The following SLC6A15 variants were observed in gnomAD, a reference collection of about 807,000 sequenced individuals.
The protein encoded by SLC6A15 is solute carrier family 6 member 15.
A neutral mutation model predicts 68.5 loss-of-function variants in SLC6A15; 33 were observed. The ratio of observed to expected loss-of-function variants is 0.48; its 90% CI spans 0.37 to 0.64. The LOEUF is 0.64. Ranked by LOEUF, SLC6A15 falls within the 30% of genes least tolerant of loss-of-function variation. SLC6A15 has a pLI of 0.00. For synonymous variants in SLC6A15, 347 were observed against 301.0 expected (o/e 1.15, Z -1.58); for missense variants, 747 against 874.3 (o/e 0.85, Z 1.84).
At chr12:84,896,573 C>T (rs1383670435) in intron 1 of SLC6A15, among the ~76,000 whole-genome samples, 1 of 152,104 alleles carries the variant, frequency 6.6e-6, no homozygotes, top group Non-Finnish European at 1.5e-5. Flanking sequence ...CCAGCTCACT[C>T]AATTTGTATG....
At chr12:84,886,601 A>G (rs1872114826) in intron 2 of SLC6A15, among the ~76,000 whole-genome samples, 1 of 151,784 alleles carries the variant, frequency 6.6e-6, no homozygotes, top group Non-Finnish European at 1.5e-5. Flanking sequence ...AAAAAAAAAA[A>G]ACAGCAACAT....
intron 1 of SLC6A15, among the ~76,000 whole-genome samples, chr12:84,906,653 A>G (rs1873170688): frequency 1.3e-5 from 2 of 152,220 alleles, no homozygotes; most frequent in South Asian, 4.1e-4. Flanking sequence ...AATTTTTGAT[A>G]AAAGTACCAA....
In SLC6A15 at chr12:84,885,426, A is replaced by G. The variant is rs779650690; in HGVS notation, c.574+9T>C. On this transcript the variant is annotated intron_variant, in intron 4 of 11. Transcript: ENST00000266682. ...TAAATACCAAAACACTGTATTATAC[A>G]TATCTTACAAGTGTGTGAAGCATTT... The G allele has an allele frequency of 1.9e-6, 3 of 1,610,112 alleles. No individual in the cohort carries two copies. The highest frequency in any genetic ancestry group is 2.2e-5 in the South Asian group (2 of 90,474).
rs1461675721 is a variant in SLC6A15 at position 84,870,655 on chromosome 12, C to T, written c.1318G>A (p.Gly440Ser). 5 of 1,609,474 alleles carry T rather than the reference C, an allele frequency of 3.1e-6. No homozygotes were observed. The highest frequency in any genetic ancestry group is 1.6e-4 in the Middle Eastern group (1 of 6,080). Residue 440 changes from glycine (G) to serine (S), a missense_variant, in exon 9 of 12, where the codon GGC becomes AGC. Gly to Ser is a moderately conservative substitution (Grantham distance 56). Coordinates refer to ENST00000266682, the MANE Select transcript of SLC6A15 (RefSeq NM_182767.6). Reference protein sequence around the residue: ...EELNKAVQGTGLAFIAFTEAM... With the variant: ...EELNKAVQGTSLAFIAFTEAM... Reference sequence around the variant, plus strand: ...TCTGTAAAGGCAATAAAAGCTAAGCCGGTCCCCTGAACAGCCTGCAAAATA... The same window carrying T: ...TCTGTAAAGGCAATAAAAGCTAAGCTGGTCCCCTGAACAGCCTGCAAAATA...
intron 5 of SLC6A15, chr12:84,882,412 A>G (rs187140610): frequency 1.0e-6 from 1 of 968,836 alleles, no homozygotes. Flanking sequence ...TAACAAGTAT[A>G]TTCACAAATT....
chr12:84,910,695 G>C (rs536104107), intron 1 of SLC6A15, among the ~76,000 whole-genome samples: 9 of 152,234 alleles, frequency 5.9e-5, no homozygotes, highest in African/African-American at 2.2e-4. Context: ...GGAACACCCT[G>C]AACAACAGAA....
chr12:84,882,418 A>T (rs1871862042), intron 5 of SLC6A15: 1 of 969,386 alleles, frequency 1.0e-6, no homozygotes, highest in South Asian at 4.8e-5. Flanking sequence ...GTATATTCAC[A>T]AATTCAAAAG....
At position 84,900,963 on chromosome 12, in the gene SLC6A15, T is replaced by C. The variant is rs368256663; in HGVS notation, c.-188-8655A>G. Among the ~76,000 whole-genome samples, 62 of 144,496 alleles carry C rather than the reference T, an allele frequency of 4.3e-4. No individual in the cohort carries two copies. In the East Asian group the frequency reaches 6.7e-3, roughly 16 times the overall value. The allele number at this position is 144,496 out of a possible 152,430, so 94.8% of individuals were successfully genotyped here. On this transcript the variant is annotated intron_variant, in intron 1 of 11. Coordinates refer to ENST00000266682, the MANE Select transcript of SLC6A15 (RefSeq NM_182767.6). ...ATATGTGTATAGATATGTATATATA[T>C]ACATACATATATACATGTATATATG...
chr12:84,873,395 A>G (rs1871375868), intron 6 of SLC6A15, 67 bp from the exon 7 acceptor site: 9 of 1,552,108 alleles, frequency 5.8e-6, no homozygotes, highest in Middle Eastern at 1.7e-4. Flanking sequence ...ATTTTTATGG[A>G]ATTTACTGTT....
chr12:84,879,178 A>G (rs771626416), intron 5 of SLC6A15, among the ~76,000 whole-genome samples: 2 of 151,918 alleles, frequency 1.3e-5, no homozygotes, highest in African/African-American at 2.4e-5. Context: ...AGCTTTGTAC[A>G]TGCTGTTGTC....
intron 1 of SLC6A15, among the ~76,000 whole-genome samples, chr12:84,895,261 A>G (rs750942003): frequency 6.6e-6 from 1 of 151,908 alleles, no homozygotes; most frequent in Non-Finnish European, 1.5e-5. Flanking sequence ...TGTTGAATGA[A>G]TGAACCGAAA....
chr12:84,869,650 C>T (rs1461738379), intron 9 of SLC6A15, among the ~76,000 whole-genome samples: 1 of 151,984 alleles, frequency 6.6e-6, no homozygotes, highest in Non-Finnish European at 1.5e-5. Context: ...TACTAGCTAT[C>T]CTCTGACCCT....
intron 1 of SLC6A15, among the ~76,000 whole-genome samples, chr12:84,892,860 T>A (rs980858788): frequency 2.0e-5 from 3 of 152,158 alleles, no homozygotes; most frequent in African/African-American, 7.2e-5. Context: ...TGTGGCAAAA[T>A]CAGGACTCAC....
intron 11 of SLC6A15, 76 bp downstream of exon 11, chr12:84,863,363 G>C: frequency 9.3e-7 from 1 of 1,079,812 alleles, no homozygotes. Context: ...TACTGTGATG[G>C]AGACAAAAGA....
intron 1 of SLC6A15, among the ~76,000 whole-genome samples, chr12:84,902,204 G>A (rs1050630301): frequency 6.6e-6 from 1 of 151,834 alleles, no homozygotes; most frequent in Admixed American, 6.6e-5. Context: ...AAAAATTACA[G>A]AGCCAATCAA....
At chr12:84,900,602 T>C (rs1334760579) in intron 1 of SLC6A15, among the ~76,000 whole-genome samples, 3 of 151,808 alleles carry the variant, frequency 2.0e-5, no homozygotes, top group Admixed American at 1.3e-4. Flanking sequence ...ATCCCTTTAT[T>C]AGTTTAGAGA....
intron 6 of SLC6A15, 51 bp downstream of exon 6, chr12:84,876,446 A>AG (rs1871545189): frequency 2.2e-6 from 2 of 926,880 alleles, no homozygotes; most frequent in Non-Finnish European, 3.3e-6. Flanking sequence ...TTTTAACAAT[A>AG]AACATAATGC....
chr12:84,866,886 G>T (rs1871088351), intron 10 of SLC6A15, 148 bp downstream of exon 10: 1 of 582,966 alleles, frequency 1.7e-6, no homozygotes, highest in East Asian at 3.3e-5. Context: ...CAAAACTGTT[G>T]AATCAGTGAG....
At chr12:84,881,920 C>T (rs1370326386) in intron 5 of SLC6A15, 1 of 985,290 alleles carries the variant, frequency 1.0e-6, no homozygotes, top group Non-Finnish European at 1.2e-6. Context: ...CCATCAGTGC[C>T]TGTTAAATTC....
Sources: gnomAD v4.1 joint callset for allele counts (sites outside exome capture counted in the v4.1 genomes callset) on GRCh38, gnomAD v4.1.1 for gene constraint, MANE v1.5 for transcripts, NCBI Gene and HGNC (gene_info 2026-07-23, HGNC 2026-07-21) for gene names.